FCAMR: variants seen among roughly 807,000 people sequenced by gnomAD.
FCAMR encodes the protein high affinity immunoglobulin alpha and immunoglobulin mu Fc receptor.
A neutral mutation model predicts 52.2 loss-of-function variants in FCAMR; 51 were observed. The ratio of observed to expected loss-of-function variants is 0.98; its 90% CI spans 0.78 to 1.23. FCAMR has a LOEUF of 1.23. FCAMR is among the 50% of genes most tolerant of loss of function. The probability of loss-of-function intolerance (pLI) is 0.00; values close to 1 mark genes in which losing one functional copy is unlikely to be tolerated. For synonymous variants in FCAMR, 282 were observed against 262.0 expected (o/e 1.08, Z -0.74); for missense variants, 719 against 712.6 (o/e 1.01, Z -0.10).
Position 206,959,760 on chromosome 1 carries a change from C to T in FCAMR, c.1492G>A (p.Ala498Thr). The change falls in exon 7 of 8, where the codon GCT becomes ACT. Residue 498 changes from alanine to threonine, a missense_variant. Physicochemically the swap from Ala to Thr is moderately conservative, Grantham distance 58 (BLOSUM62 0). Coordinates refer to ENST00000324852, the MANE Select transcript of FCAMR (RefSeq NM_001170631.2). ...PEDESSSRTL[A>T]PVSTMLALFM... is the part of the protein sequence containing the mutation. ...AGGGCCAGCATGGTAGAGACAGGAG[C>T]CAGGGTCCGAGAGCTGCTTTCATCT... is the stretch of plus-strand genomic sequence containing the variant. 2 of 1,614,132 alleles carry T rather than the reference C, an allele frequency of 1.2e-6. No individual in the cohort carries two copies. The highest frequency in any genetic ancestry group is 2.2e-5 in the East Asian group (1 of 44,874).
At chr1:206,966,924 T>C (rs1680734214) in intron 3 of FCAMR, 128 bp downstream of exon 3, 2 of 801,218 alleles carry the variant, frequency 2.5e-6, no homozygotes, top group Admixed American at 2.4e-5. Flanking sequence ...GATGGAGCCA[T>C]TTGTCATCTG....
At position 206,958,476 on chromosome 1, in the gene FCAMR, C is replaced by T. The variant is rs773006316; in HGVS notation, c.*40G>A. 1 of 1,569,870 alleles carries T rather than the reference C, an allele frequency of 6.4e-7. No homozygotes were observed. On this transcript the variant is annotated 3_prime_UTR_variant, in exon 8 of 8. Coordinates refer to ENST00000324852, the MANE Select transcript of FCAMR (RefSeq NM_001170631.2). Reference sequence around the variant, plus strand: ...GGTCCTGAAGGCCTTTGATCTTGGTCCTTCTCCCATGGTAACTGAGCAGTT... The same window carrying T: ...GGTCCTGAAGGCCTTTGATCTTGGTTCTTCTCCCATGGTAACTGAGCAGTT...
Position 206,960,170 on chromosome 1 carries a change from A to G in FCAMR, c.1454+252T>C, listed in dbSNP as rs150155811. On this transcript the variant is annotated intron_variant, in intron 6 of 7. Coordinates refer to ENST00000324852, the MANE Select transcript of FCAMR (RefSeq NM_001170631.2). ...GCCTATTCTTTATCTTTAAAAACAGAAAGTCCTAATGAAGGTTCCAGCCTA... is the reference window on the plus strand; with the variant it reads ...GCCTATTCTTTATCTTTAAAAACAGGAAGTCCTAATGAAGGTTCCAGCCTA... The G allele has an allele frequency of 3.8e-5, 20 of 528,096 alleles. No individual in the cohort carries two copies. The Admixed American group carries it at 7.2e-4, about 19-fold the overall frequency. The allele number at this position is 528,096 out of a possible 1,614,324, so 32.7% of individuals were successfully genotyped here. A position where few individuals can be genotyped will look rare whatever the true frequency, so the allele number is the denominator to read the frequency against.
intron 3 of FCAMR, 62 bp downstream of exon 3, chr1:206,966,990 C>A: frequency 6.4e-7 from 1 of 1,568,254 alleles, no homozygotes; most frequent in South Asian, 1.1e-5. Flanking sequence ...ACCTTTAGGG[C>A]AGCCTGGAAG....
intron 5 of FCAMR, among the ~76,000 whole-genome samples, 169 bp downstream of exon 5, chr1:206,962,044 C>G (rs12121714): frequency 3.3e-5 from 5 of 151,888 alleles, no homozygotes; most frequent in African/African-American, 9.7e-5. Flanking sequence ...TTGAAGGCAG[C>G]CTTCTTCTGA....
At position 206,958,277 on chromosome 1, in the gene FCAMR, G is replaced by C; in HGVS notation, c.*239C>G. 2.3e-6 allele frequency: 1 copy of C among 431,464 alleles called. No homozygotes were observed. The highest frequency in any genetic ancestry group is 4.1e-6 in the Non-Finnish European group (1 of 245,966). 26.7% of individuals were successfully genotyped at this position (431,464 alleles called of 1,614,324 possible). A position where few individuals can be genotyped will look rare whatever the true frequency, so the allele number is the denominator to read the frequency against. On this transcript the variant is annotated 3_prime_UTR_variant, in exon 8 of 8. Transcript: ENST00000324852. ...TGCTTTTCCTAGGTGACCTCTTCCA[G>C]TGTTTCATACACTGTTCTTGAAGTC...
Position 206,959,701 on chromosome 1 carries a change from C to T in FCAMR, c.1551G>A (p.Arg517=). 1.2e-6 allele frequency: 2 copies of T among 1,614,058 alleles called. No homozygotes were observed. The highest frequency in any genetic ancestry group is 1.7e-6 in the Non-Finnish European group (2 of 1,180,000). ...CACAGGTCCTCCTTCTCCAGAGCTT[C>T]CTTTGCAATAGAACCAGAGCCATAA... is the stretch of plus-strand genomic sequence containing the variant. The part of the protein sequence containing the change: ...FMLMALVLLQ[R]KLWRRRTSQE... The change falls in exon 7 of 8, where the codon AGG becomes AGA. Residue 517 remains arginine (R), a synonymous_variant. Coordinates refer to ENST00000324852, the MANE Select transcript of FCAMR (RefSeq NM_001170631.2).
intron 5 of FCAMR, among the ~76,000 whole-genome samples, chr1:206,961,965 T>C (rs1421099902): frequency 6.6e-6 from 1 of 152,226 alleles, no homozygotes; most frequent in Non-Finnish European, 1.5e-5. Context: ...TTCATGACAT[T>C]TGGGGGACAC....
intron 1 of FCAMR, among the ~76,000 whole-genome samples, chr1:206,969,064 A>T (rs1680829839): frequency 6.6e-6 from 1 of 151,780 alleles, no homozygotes; most frequent in African/African-American, 2.4e-5. Context: ...CCACCTGGAG[A>T]CTCTCCCAGG....
intron 1 of FCAMR, among the ~76,000 whole-genome samples, chr1:206,968,491 A>G (rs1236598284): frequency 6.6e-6 from 1 of 152,242 alleles, no homozygotes; most frequent in Non-Finnish European, 1.5e-5. Flanking sequence ...GAAAAAGCAA[A>G]CTAAAGTTAG....
Position 206,958,612 on chromosome 1 carries a change from T to A in FCAMR, c.1638A>T (p.Ala546=). The A allele has an allele frequency of 1.2e-6, 2 of 1,614,012 alleles. No individual in the cohort carries two copies. Among genetic ancestry groups the A allele is most frequent in the South Asian group, 2.2e-5 (2 of 91,072 alleles). ...TTCTTTCCACATGGGGCAGCTGGTC[T>A]GCTTGGGGGTTCACTTCCAGAAAAT... ...MTHFLEVNPQ[A]DQLPHVERKM... is the part of the protein sequence containing the mutation. The change falls in exon 8 of 8, where the codon GCA becomes GCT. Residue 546 remains alanine, a synonymous_variant. Coordinates refer to ENST00000324852, the MANE Select transcript of FCAMR (RefSeq NM_001170631.2).
intron 5 of FCAMR, among the ~76,000 whole-genome samples, 193 bp from the exon 6 acceptor site, chr1:206,961,416 C>T (rs1680503530): frequency 6.6e-6 from 1 of 152,240 alleles, no homozygotes; most frequent in South Asian, 2.1e-4. Context: ...CAAACATTCT[C>T]TCGTCTGTGG....
In FCAMR at chr1:206,962,272, CA is replaced by C; in HGVS notation, c.592del (p.Cys198AlafsTer12). ...CATGTTGTTTTCACTTCCAATGCCG[CA>C]GAGGTAGCATCCGATGTCATCCGGG... ...LSPDDIGCYLCGIGSENNMLF... is the reference protein window; with the variant it reads ...LSPDDIGCYLXGIGSENNMLF... On this transcript the variant is annotated frameshift_variant, in exon 5 of 8. Coordinates refer to ENST00000324852, the MANE Select transcript of FCAMR (RefSeq NM_001170631.2). LOFTEE classifies it high-confidence loss of function. The C allele has an allele frequency of 6.2e-7, 1 of 1,614,162 alleles. No homozygotes were observed. The highest frequency in any genetic ancestry group is 8.5e-7 in the Non-Finnish European group (1 of 1,180,028).
At position 206,962,201 on chromosome 1, in the gene FCAMR, G is replaced by A. The variant is rs1572808; in HGVS notation, c.652+12C>T. ...CTTCACCAAGCTTGGCCCATCAGCCGTCAGCTCATACCTGCAGAGATGGTC... is the reference window on the plus strand; with the variant it reads ...CTTCACCAAGCTTGGCCCATCAGCCATCAGCTCATACCTGCAGAGATGGTC... On this transcript the variant is annotated intron_variant, in intron 5 of 7. Coordinates refer to ENST00000324852, the MANE Select transcript of FCAMR (RefSeq NM_001170631.2). The A allele has an allele frequency of 0.28, 446,906 of 1,607,788 alleles. 69,488 individuals are homozygous for A. Among genetic ancestry groups the A allele is most frequent in the African/African-American group, 0.63 (46,824 of 74,804 alleles).
chr1:206,961,803 C>G (rs1304024516), intron 5 of FCAMR, among the ~76,000 whole-genome samples: 3 of 152,242 alleles, frequency 2.0e-5, no homozygotes, highest in Non-Finnish European at 2.9e-5. Flanking sequence ...CAGCAAGAGT[C>G]TGTGTGAAGG....
chr1:206,960,019 G>A (rs375157823), intron 6 of FCAMR: 1 of 551,442 alleles, frequency 1.8e-6, no homozygotes, highest in Non-Finnish European at 3.2e-6. Context: ...CCATCTGTGT[G>A]TGGGCCCTGC....
At chr1:206,959,015 G>A (rs1437791709) in intron 7 of FCAMR, 3 of 492,142 alleles carry the variant, frequency 6.1e-6, no homozygotes, top group African/African-American at 3.9e-5. Context: ...GGGAAAATGC[G>A]AGGTTTGATC....
intron 1 of FCAMR, 122 bp downstream of exon 1, chr1:206,969,965 C>T: frequency 8.1e-7 from 1 of 1,233,398 alleles, no homozygotes. Context: ...ACCTGGCCTC[C>T]TGGGAAGGAG....
At position 206,967,663 on chromosome 1, in the gene FCAMR, A is replaced by T. The variant is rs1680768615; in HGVS notation, c.40-12T>A. On this transcript the variant is annotated splice_polypyrimidine_tract_variant and intron_variant, in intron 1 of 7. Transcript: ENST00000324852. ...CTCCTCACCACTTCCTGTTTGCAGA[A>T]GGGGAATTGGTTTTTTCAAGGGAAG... is the stretch of plus-strand genomic sequence containing the variant. 1.2e-6 allele frequency: 2 copies of T among 1,613,394 alleles called. No individual in the cohort carries two copies. Among genetic ancestry groups the T allele is most frequent in the East Asian group, 4.5e-5 (2 of 44,848 alleles).
Sources: gnomAD v4.1 joint callset for allele counts (sites outside exome capture counted in the v4.1 genomes callset) on GRCh38, gnomAD v4.1.1 for gene constraint, MANE v1.5 for transcripts, NCBI Gene and HGNC (gene_info 2026-07-23, HGNC 2026-07-21) for gene names.